The following PDZRN3 variants were observed in gnomAD, a reference collection of about 807,000 sequenced individuals.
PDZRN3 encodes the protein PDZ domain containing ring finger 3.
A neutral mutation model predicts 85.7 loss-of-function variants in PDZRN3; 38 were observed. The observed-to-expected ratio is 0.44, with a 90% CI of 0.34 to 0.58. The LOEUF (loss-of-function observed/expected upper bound fraction) is 0.58. PDZRN3 is among the 20% of genes least tolerant of loss of function. The pLI, the probability that PDZRN3 is intolerant of heterozygous loss-of-function variation, is 0.01. For missense variants in PDZRN3, 1,629 were observed against 1,506.4 expected (o/e 1.08, Z -1.35); for synonymous variants, 759 against 638.0 (o/e 1.19, Z -2.86).
At chr3:73,562,994 TATATA>T (rs1701855566) in intron 3 of PDZRN3, among the ~76,000 whole-genome samples, 2 of 27,682 alleles carry the variant, frequency 7.2e-5, no homozygotes, top group African/African-American at 3.4e-4. Context: ...TATATATATA[TATATA>T]TATATATATA....
intron 3 of PDZRN3, among the ~76,000 whole-genome samples, chr3:73,416,876 GTTTTTTTTTT>G (rs146381615): frequency 3.6e-5 from 4 of 110,402 alleles, no homozygotes; most frequent in South Asian, 3.1e-4. Flanking sequence ...TTTTTTTTTG[GTTTTTTTTTT>G]TTTTTTTTTT....
At chr3:73,428,911 G>C (rs1189367144) in intron 3 of PDZRN3, among the ~76,000 whole-genome samples, 9 of 151,350 alleles carry the variant, frequency 5.9e-5, no homozygotes, top group African/African-American at 2.2e-4. Flanking sequence ...TTTTCCCCCA[G>C]AGAAGGGGTC....
chr3:73,557,549 A>G (rs983279550), intron 3 of PDZRN3, among the ~76,000 whole-genome samples: 1 of 152,200 alleles, frequency 6.6e-6, no homozygotes, highest in African/African-American at 2.4e-5. Flanking sequence ...ATTACAAACT[A>G]TGTAATCAAA....
intron 3 of PDZRN3, among the ~76,000 whole-genome samples, chr3:73,469,077 CT>C (rs536974688): frequency 2.3e-3 from 338 of 143,908 alleles, no homozygotes; most frequent in Middle Eastern, 7.2e-3. Context: ...AAAGATTCAT[CT>C]TTTTTTTTTT....
intron 3 of PDZRN3, among the ~76,000 whole-genome samples, chr3:73,414,079 G>A (rs17481154): frequency 6.6e-6 from 1 of 151,426 alleles, no homozygotes; most frequent in African/African-American, 2.5e-5. Flanking sequence ...GGATGGAATG[G>A]CATAAAAAAA....
intron 3 of PDZRN3, among the ~76,000 whole-genome samples, chr3:73,476,473 C>T (rs940553221): frequency 1.3e-5 from 2 of 152,178 alleles, no homozygotes; most frequent in Admixed American, 1.3e-4. Context: ...CCCCCTTCAA[C>T]ATTGGGGTTT....
chr3:73,505,427 G>A (rs1575696525), intron 3 of PDZRN3, among the ~76,000 whole-genome samples: 1 of 152,096 alleles, frequency 6.6e-6, no homozygotes, highest in African/African-American at 2.4e-5. Flanking sequence ...ACACTGGGTA[G>A]AAATAATAAT....
At position 73,384,115 on chromosome 3, in the gene PDZRN3, C is replaced by A. The variant is rs758884560; in HGVS notation, c.2451G>T (p.Val817=). The A allele has an allele frequency of 6.2e-7, 1 of 1,614,026 alleles. No individual in the cohort carries two copies. Among genetic ancestry groups the A allele is most frequent in the East Asian group, 2.2e-5 (1 of 44,830 alleles). The change falls in exon 10 of 10, where the codon GTG becomes GTT. Residue 817 remains valine (V), a synonymous_variant. Coordinates refer to ENST00000263666, the MANE Select transcript of PDZRN3 (RefSeq NM_015009.3). The part of the protein sequence containing the change: ...NLLSITEDPE[V]GTPTYSPSLK... ...GGGACGGGCTATAGGTAGGGGTGCC[C>A]ACTTCGGGATCTTCCGTGATGGAGA...
At chr3:73,474,648 G>A (rs957683230) in intron 3 of PDZRN3, 41 of 1,176,990 alleles carry the variant, frequency 3.5e-5, no homozygotes, top group Non-Finnish European at 4.4e-5. Flanking sequence ...TGTGGCAAGG[G>A]TGTACACTTT....
intron 3 of PDZRN3, among the ~76,000 whole-genome samples, chr3:73,416,891 T>TTTTTTTTTTTTTTTTTTTTG (rs1702100294): frequency 1.4e-5 from 2 of 139,158 alleles, no homozygotes; most frequent in Admixed American, 1.4e-4. Flanking sequence ...TTTTTTTTTT[T>TTTTTTTTTTTTTTTTTTTTG]TTTTTTTTTT....
At chr3:73,446,502 C>T (rs896707915) in intron 3 of PDZRN3, among the ~76,000 whole-genome samples, 33 of 152,244 alleles carry the variant, frequency 2.2e-4, no homozygotes, top group African/African-American at 7.7e-4. Context: ...AAACTTCATG[C>T]GTTAGTACCT....
chr3:73,544,700 TA>T (rs930540586), intron 3 of PDZRN3, among the ~76,000 whole-genome samples: 2 of 152,060 alleles, frequency 1.3e-5, no homozygotes, highest in South Asian at 4.2e-4. Flanking sequence ...TTTTTTTTTT[TA>T]AATTACTGAA....
At chr3:73,590,626 T>TTC (rs1162806008) in intron 3 of PDZRN3, among the ~76,000 whole-genome samples, 5 of 152,358 alleles carry the variant, frequency 3.3e-5, no homozygotes, top group African/African-American at 1.2e-4. Flanking sequence ...TAAGATGTTG[T>TTC]TCTGTTGAGA....
At chr3:73,416,917 A>T (rs1471787522) in intron 3 of PDZRN3, among the ~76,000 whole-genome samples, 1 of 113,534 alleles carries the variant, frequency 8.8e-6, no homozygotes, top group Non-Finnish European at 1.7e-5. Context: ...TTTGAGACAG[A>T]GTCTCACTCC....
chr3:73,435,136 C>T (rs1267149133), intron 3 of PDZRN3, among the ~76,000 whole-genome samples: 1 of 152,116 alleles, frequency 6.6e-6, no homozygotes, highest in South Asian at 2.1e-4. Flanking sequence ...CTCAGGGAGC[C>T]GAGACACACC....
At chr3:73,385,844 T>G (rs929354715) in intron 8 of PDZRN3, 59 bp from the exon 9 acceptor site, 2 of 1,030,034 alleles carry the variant, frequency 1.9e-6, no homozygotes, top group Admixed American at 1.8e-5. Context: ...TCATTTATGT[T>G]TTTTTAAAAA....
At chr3:73,415,043 C>T (rs1279502189) in intron 3 of PDZRN3, among the ~76,000 whole-genome samples, 5 of 152,118 alleles carry the variant, frequency 3.3e-5, no homozygotes, top group South Asian at 2.1e-4. Flanking sequence ...ATAATGATTG[C>T]GAATGTCTCC....
chr3:73,386,565 A>G (rs772618433), intron 8 of PDZRN3, among the ~76,000 whole-genome samples: 31 of 152,258 alleles, frequency 2.0e-4, no homozygotes, highest in Admixed American at 3.3e-4. Flanking sequence ...TTGGCACTCT[A>G]TAGCCCATGG....
intron 3 of PDZRN3, among the ~76,000 whole-genome samples, chr3:73,512,104 A>T (rs998007228): frequency 6.6e-6 from 1 of 152,212 alleles, no homozygotes; most frequent in Non-Finnish European, 1.5e-5. Flanking sequence ...GTGTCTCAAG[A>T]AGGCTTTCTA....
Sources: gnomAD v4.1 joint callset for allele counts (sites outside exome capture counted in the v4.1 genomes callset) on GRCh38, gnomAD v4.1.1 for gene constraint, MANE v1.5 for transcripts, NCBI Gene and HGNC (gene_info 2026-07-23, HGNC 2026-07-21) for gene names.